CDH7: variants seen among roughly 807,000 people sequenced by gnomAD.
The protein encoded by CDH7 is cadherin-7.
CDH7 carries 25 observed loss-of-function variants against 71.8 expected under a neutral mutation model. The ratio of observed to expected loss-of-function variants is 0.35; its 90% confidence interval spans 0.25 to 0.49. The LOEUF (loss-of-function observed/expected upper bound fraction) is 0.49. Among genes scored for constraint, CDH7 ranks in the 20% least tolerant of loss-of-function variants. CDH7 has a pLI of 0.99. For missense variants in CDH7, 862 were observed against 974.6 expected, an observed-to-expected ratio of 0.88 and a Z score of 1.54; for synonymous variants, 381 against 363.8, an observed-to-expected ratio of 1.05 and a Z score of -0.54.
intron 10 of CDH7, among the ~76,000 whole-genome samples, chr18:65,860,559 G>A (rs926490110): frequency 6.6e-6 from 1 of 152,114 alleles, no homozygotes; most frequent in Non-Finnish European, 1.5e-5. Context: ...ATGTTCGAAT[G>A]AGTTTTTATT....
Position 65,888,134 on chromosome 18 carries a change from C to G in CDH7, c.*7240C>G, listed in dbSNP as rs367689908. The G allele has an allele frequency of 6.6e-6, 1 of 152,230 alleles. No homozygotes were observed. Among genetic ancestry groups the G allele is most frequent in the East Asian group, 1.9e-4 (1 of 5,176 alleles). The allele number at this position is 152,230 out of a possible 1,614,324, so 9.4% of individuals were successfully genotyped here. On this transcript the variant is annotated 3_prime_UTR_variant, in exon 12 of 12. Transcript: ENST00000397968. ...TATTTTCGTTCAGCTCAAGTGCTAT[C>G]TTTCAGGCAAATAGACTCCTACAAT...
intron 2 of CDH7, among the ~76,000 whole-genome samples, chr18:65,791,186 G>A (rs1460338308): frequency 6.6e-6 from 1 of 152,138 alleles, no homozygotes; most frequent in East Asian, 1.9e-4. Context: ...ATCTTCATTT[G>A]AAACATGAAA....
At chr18:65,773,623 GAAC>G (rs1421354667) in intron 2 of CDH7, among the ~76,000 whole-genome samples, 2 of 152,020 alleles carry the variant, frequency 1.3e-5, no homozygotes, top group Non-Finnish European at 2.9e-5. Context: ...TATAAAATAG[GAAC>G]AACAATACTA....
At position 65,885,372 on chromosome 18, in the gene CDH7, G is replaced by GTTTTTTTTTCTTTTTTTT. The variant is rs1914343520; in HGVS notation, c.*4487_*4488insCTTTTTTTTTTTTTTTTT. The GTTTTTTTTTCTTTTTTTT allele has an allele frequency of 1.4e-5, 1 of 69,436 alleles. No individual in the cohort carries two copies. The highest frequency in any genetic ancestry group is 2.4e-4 in the Admixed American group (1 of 4,208). The allele number at this position is 69,436 out of a possible 1,614,324, so 4.3% of individuals were successfully genotyped here. On this transcript the variant is annotated 3_prime_UTR_variant, in exon 12 of 12. Coordinates refer to ENST00000397968, the MANE Select transcript of CDH7 (RefSeq NM_004361.5). ...GTAACTGAAAAGGATGTGTGCCTGT[G>GTTTTTTTTTCTTTTTTTT]TTTTTTTTTTTTTTTTTTTTTTTGA...
At chr18:65,767,732 T>C (rs1176321967) in intron 2 of CDH7, among the ~76,000 whole-genome samples, 1 of 152,228 alleles carries the variant, frequency 6.6e-6, no homozygotes, top group Non-Finnish European at 1.5e-5. Flanking sequence ...AAAAGGAATT[T>C]GGACACGGAT....
In CDH7 at chr18:65,762,642, G is replaced by T; in HGVS notation, c.-196-5G>T. 1 of 494,696 alleles carries T rather than the reference G, an allele frequency of 2.0e-6. No homozygotes were observed. 30.6% of individuals were successfully genotyped at this position (494,696 alleles called of 1,614,324 possible). ...TGACACCAGCTCTTCTCTTTGTTCTGATAGGTACTTACTACACCATTCTTT... is the reference window on the plus strand; with the variant it reads ...TGACACCAGCTCTTCTCTTTGTTCTTATAGGTACTTACTACACCATTCTTT... On this transcript the variant is annotated splice_polypyrimidine_tract_variant and splice_region_variant and intron_variant, in intron 1 of 11. Coordinates refer to ENST00000397968, the MANE Select transcript of CDH7 (RefSeq NM_004361.5).
At chr18:65,752,343 T>C (rs1030321640) in intron 1 of CDH7, among the ~76,000 whole-genome samples, 14 of 152,254 alleles carry the variant, frequency 9.2e-5, no homozygotes, top group African/African-American at 3.4e-4. Flanking sequence ...TTTAAGAGTT[T>C]AAGAGCAGTA....
intron 2 of CDH7, among the ~76,000 whole-genome samples, chr18:65,769,329 T>A (rs1244383189): frequency 6.6e-6 from 1 of 152,190 alleles, no homozygotes; most frequent in East Asian, 1.9e-4. Context: ...CAGGTTAAAG[T>A]AGCAATTTTC....
At chr18:65,863,003 G>T (rs1913632950) in intron 11 of CDH7, 86 bp downstream of exon 11, 9 of 1,394,908 alleles carry the variant, frequency 6.5e-6, no homozygotes, top group South Asian at 1.3e-5. Flanking sequence ...TCCATTTGGT[G>T]AACATATGCA....
At chr18:65,767,844 G>A (rs1245377492) in intron 2 of CDH7, among the ~76,000 whole-genome samples, 1 of 152,078 alleles carries the variant, frequency 6.6e-6, no homozygotes, top group African/African-American at 2.4e-5. Context: ...TTGTTATTTT[G>A]TTTTTTTCTT....
chr18:65,762,534 A>T (rs1268101536), intron 1 of CDH7, 113 bp from the exon 2 acceptor site: 1 of 171,652 alleles, frequency 5.8e-6, no homozygotes, highest in East Asian at 1.5e-4. Context: ...ATATTTGTAT[A>T]ATCTTGGAAA....
intron 11 of CDH7, among the ~76,000 whole-genome samples, chr18:65,871,799 C>T (rs552984350): frequency 1.3e-5 from 2 of 152,176 alleles, no homozygotes; most frequent in African/African-American, 4.8e-5. Flanking sequence ...CCATTTTGAA[C>T]ATTTATTATA....
chr18:65,781,750 ATTTC>A (rs879796330), intron 2 of CDH7, among the ~76,000 whole-genome samples: 2 of 78,490 alleles, frequency 2.5e-5, no homozygotes, highest in Non-Finnish European at 5.1e-5. Flanking sequence ...CTATTGGTTG[ATTTC>A]TTTCTTTCTT....
At chr18:65,817,585 T>C (rs1049116109) in intron 4 of CDH7, among the ~76,000 whole-genome samples, 3 of 152,144 alleles carry the variant, frequency 2.0e-5, no homozygotes, top group Non-Finnish European at 4.4e-5. Context: ...AGAAACTCAT[T>C]AGCAGATTTT....
chr18:65,876,544 T>C (rs1004123986), intron 11 of CDH7, among the ~76,000 whole-genome samples: 1 of 152,156 alleles, frequency 6.6e-6, no homozygotes, highest in Non-Finnish European at 1.5e-5. Flanking sequence ...CTCACTGTCG[T>C]CACTGTACCA....
chr18:65,855,705 A>G (rs772509113), intron 7 of CDH7, among the ~76,000 whole-genome samples: 1 of 152,190 alleles, frequency 6.6e-6, no homozygotes, highest in African/African-American at 2.4e-5. Flanking sequence ...AGTATTGTTC[A>G]GGAAATATGA....
At chr18:65,789,690 C>A (rs1910642054) in intron 2 of CDH7, among the ~76,000 whole-genome samples, 1 of 151,872 alleles carries the variant, frequency 6.6e-6, no homozygotes, top group Admixed American at 6.6e-5. Context: ...AGATAAATAA[C>A]AATTATTTGG....
At position 65,844,068 on chromosome 18, in the gene CDH7, A is replaced by G; in HGVS notation, c.1235+3A>G. 6.2e-7 allele frequency: 1 copy of G among 1,611,470 alleles called. No individual in the cohort carries two copies. Among genetic ancestry groups the G allele is most frequent in the Non-Finnish European group, 8.5e-7 (1 of 1,178,632 alleles). The stretch of plus-strand genomic sequence containing the variant: ...GATTCTTCCAATAGCCCTGTGAGGT[A>G]AAAACTCATTGTTGTCCTTTTCTAT... On this transcript the variant is annotated splice_donor_region_variant and intron_variant, in intron 7 of 11. Coordinates refer to ENST00000397968, the MANE Select transcript of CDH7 (RefSeq NM_004361.5).
chr18:65,763,886 T>C (rs182068990), intron 2 of CDH7, among the ~76,000 whole-genome samples: 17 of 152,242 alleles, frequency 1.1e-4, no homozygotes, highest in Admixed American at 3.3e-4. Flanking sequence ...GCATATCATG[T>C]TCTCGGTTCC....
Sources: gnomAD v4.1 joint callset for allele counts (sites outside exome capture counted in the v4.1 genomes callset) on GRCh38, gnomAD v4.1.1 for gene constraint, MANE v1.5 for transcripts, NCBI Gene and HGNC (gene_info 2026-07-23, HGNC 2026-07-21) for gene names.